The following MRTFA variants were observed in gnomAD, a reference collection of about 807,000 sequenced individuals.
MRTFA encodes the protein myocardin-related transcription factor A.
Under a neutral mutation model 83.5 loss-of-function variants are expected in MRTFA, and 20 were observed. The observed-to-expected ratio is 0.24, with a 90% CI of 0.17 to 0.35. The LOEUF (loss-of-function observed/expected upper bound fraction) is 0.35. MRTFA is among the 10% of genes least tolerant of loss of function. The probability of loss-of-function intolerance (pLI) is 1.00; values close to 1 mark genes in which losing one functional copy is unlikely to be tolerated. For missense variants in MRTFA, 1,200 were observed against 1,224.7 expected (o/e 0.98, Z 0.30); for synonymous variants, 659 against 541.2 (o/e 1.22, Z -3.02).
intron 2 of MRTFA, among the ~76,000 whole-genome samples, chr22:40,561,027 T>C (rs1556007085): frequency 6.6e-6 from 1 of 152,136 alleles, no homozygotes; most frequent in Non-Finnish European, 1.5e-5. Flanking sequence ...AAACAATTGG[T>C]AAAAAAACTG....
intron 3 of MRTFA, among the ~76,000 whole-genome samples, chr22:40,523,904 G>T (rs1421437579): frequency 6.6e-6 from 1 of 151,984 alleles, no homozygotes; most frequent in African/African-American, 2.4e-5. Context: ...ATTCCCAAGA[G>T]AATATACTAA....
intron 3 of MRTFA, among the ~76,000 whole-genome samples, chr22:40,495,235 T>C (rs1377036378): frequency 6.6e-6 from 1 of 151,578 alleles, no homozygotes; most frequent in African/African-American, 2.4e-5. Context: ...AAATAAATAC[T>C]TTAAAAAGTA....
intron 3 of MRTFA, among the ~76,000 whole-genome samples, chr22:40,499,594 G>GA (rs996860211): frequency 6.6e-6 from 1 of 151,614 alleles, no homozygotes; most frequent in Non-Finnish European, 1.5e-5. Context: ...CCTTATCTGT[G>GA]AAAAAAAAAT....
At position 40,419,002 on chromosome 22, in the gene MRTFA, A is replaced by G. The variant is rs2052761358; in HGVS notation, c.1736T>C (p.Met579Thr). The stretch of plus-strand genomic sequence containing the variant: ...CAGCTGCGTCAGAGGTGATGTCACC[A>G]TCTCACCAAAGGTGTCCCCGGGGGT... The change falls in exon 12 of 15, where the codon ATG becomes ACG. Residue 579 changes from methionine (M) to threonine (T), a missense_variant. Met to Thr is a moderately conservative substitution (Grantham distance 81). Transcript: ENST00000355630. 4 of 1,612,796 alleles carry G rather than the reference A, an allele frequency of 2.5e-6. No individual in the cohort carries two copies. Among genetic ancestry groups the G allele is most frequent in the East Asian group, 2.2e-5 (1 of 44,852 alleles).
intron 11 of MRTFA, 92 bp downstream of exon 11, chr22:40,420,312 TG>T: frequency 7.0e-7 from 1 of 1,438,640 alleles, no homozygotes; most frequent in Non-Finnish European, 9.5e-7. Context: ...GGTCCTAGGC[TG>T]GCTGCCTTCC....
chr22:40,459,862 T>TATATATATATATATATAC (rs796103400), intron 4 of MRTFA, among the ~76,000 whole-genome samples: 44 of 121,478 alleles, frequency 3.6e-4, no homozygotes, highest in African/African-American at 8.8e-4. Flanking sequence ...TATATATATA[T>TATATATATATATATATAC]ACACACATGA....
chr22:40,594,463 G>A (rs762445099), intron 2 of MRTFA, among the ~76,000 whole-genome samples: 3 of 152,026 alleles, frequency 2.0e-5, no homozygotes, highest in Non-Finnish European at 4.4e-5. Flanking sequence ...TTGTTTCTTA[G>A]CATTCTCTAC....
At chr22:40,528,900 C>T (rs2147272290) in intron 3 of MRTFA, among the ~76,000 whole-genome samples, 1 of 151,952 alleles carries the variant, frequency 6.6e-6, no homozygotes, top group African/African-American at 2.4e-5. Flanking sequence ...TTTTTAAAAG[C>T]TCATCAGCTA....
At chr22:40,578,961 A>T (rs2055908672) in intron 2 of MRTFA, among the ~76,000 whole-genome samples, 1 of 152,082 alleles carries the variant, frequency 6.6e-6, no homozygotes, top group Non-Finnish European at 1.5e-5. Context: ...AATAAAAAGC[A>T]GCCAAGTGTG....
intron 3 of MRTFA, among the ~76,000 whole-genome samples, chr22:40,483,514 T>A (rs934555412): frequency 6.6e-6 from 1 of 151,182 alleles, no homozygotes; most frequent in Admixed American, 6.6e-5. Flanking sequence ...TGAAACCCCA[T>A]CTCTACTAAA....
At chr22:40,477,900 T>TA (rs950892939) in intron 3 of MRTFA, among the ~76,000 whole-genome samples, 1 of 152,046 alleles carries the variant, frequency 6.6e-6, no homozygotes, top group Non-Finnish European at 1.5e-5. Flanking sequence ...TAGGAACATG[T>TA]AGTCAGTGAA....
At chr22:40,454,459 G>GGTGT (rs770516695) in intron 4 of MRTFA, among the ~76,000 whole-genome samples, 2 of 151,700 alleles carry the variant, frequency 1.3e-5, no homozygotes, top group East Asian at 1.9e-4. Context: ...CTTAGAGGTA[G>GGTGT]GTGTGTGTGT....
chr22:40,582,618 C>T (rs1207280643), intron 2 of MRTFA, among the ~76,000 whole-genome samples: 1 of 151,900 alleles, frequency 6.6e-6, no homozygotes, highest in African/African-American at 2.4e-5. Context: ...CCCAAGGTTA[C>T]TTCCTTCCAT....
intron 1 of MRTFA, among the ~76,000 whole-genome samples, chr22:40,617,542 C>A (rs528725199): frequency 6.6e-6 from 1 of 151,790 alleles, no homozygotes; most frequent in South Asian, 2.1e-4. Flanking sequence ...CTGGCTAACA[C>A]GGTGAAACCC....
At chr22:40,450,185 A>G (rs920584386) in intron 4 of MRTFA, among the ~76,000 whole-genome samples, 1 of 152,222 alleles carries the variant, frequency 6.6e-6, no homozygotes, top group Non-Finnish European at 1.5e-5. Flanking sequence ...CCCTGGAACT[A>G]TGTGAATTTT....
chr22:40,571,855 C>T (rs560063409), intron 2 of MRTFA, among the ~76,000 whole-genome samples: 2 of 131,696 alleles, frequency 1.5e-5, no homozygotes, highest in South Asian at 2.6e-4. Context: ...ACCTGGGAGG[C>T]GGAGCTTGCA....
At chr22:40,555,642 T>G (rs1046883828) in intron 2 of MRTFA, among the ~76,000 whole-genome samples, 2 of 148,136 alleles carry the variant, frequency 1.4e-5, no homozygotes, top group African/African-American at 4.9e-5. Flanking sequence ...TAAGAATAAT[T>G]TTTTTTTTTT....
intron 6 of MRTFA, 65 bp from the exon 7 acceptor site, chr22:40,429,832 T>G (rs2053032023): frequency 6.7e-7 from 1 of 1,499,704 alleles, no homozygotes; most frequent in African/African-American, 1.4e-5. Flanking sequence ...CCCCGGGAAC[T>G]CCAGAGCAGC....
intron 3 of MRTFA, among the ~76,000 whole-genome samples, chr22:40,550,885 CTT>C (rs1225687530): frequency 4.6e-5 from 6 of 129,532 alleles, no homozygotes; most frequent in Admixed American, 4.2e-4. Flanking sequence ...GAATTTTGCT[CTT>C]GTTGCCCAGG....
Sources: gnomAD v4.1 joint callset for allele counts (sites outside exome capture counted in the v4.1 genomes callset) on GRCh38, gnomAD v4.1.1 for gene constraint, MANE v1.5 for transcripts, NCBI Gene and HGNC (gene_info 2026-07-23, HGNC 2026-07-21) for gene names.